The following TNC variants were observed in gnomAD, a reference collection of about 807,000 sequenced individuals.
TNC encodes the protein tenascin.
In TNC, 109 loss-of-function variants were observed where a neutral mutation model predicts 202.4. That is an observed-to-expected ratio of 0.54 (90% confidence interval 0.46 to 0.63). The LOEUF (loss-of-function observed/expected upper bound fraction) is 0.63, where lower values mean the gene tolerates loss of function less well. Among genes scored for constraint, TNC ranks in the 30% least tolerant of loss-of-function variants. The pLI is 0.00. For missense variants in TNC, 2,756 were observed against 2,833.3 expected, an observed-to-expected ratio of 0.97 and a Z score of 0.62; for synonymous variants, 1,007 against 1,089.7, an observed-to-expected ratio of 0.92 and a Z score of 1.50.
chr9:115,058,936 G>C (rs1832336491), intron 14 of TNC, among the ~76,000 whole-genome samples: 1 of 152,116 alleles, frequency 6.6e-6, no homozygotes, highest in South Asian at 2.1e-4. Context: ...CCTGGGTCTG[G>C]GGCTGGGAGT....
intron 1 of TNC, among the ~76,000 whole-genome samples, chr9:115,092,480 G>A (rs1373879329): frequency 6.6e-6 from 1 of 152,214 alleles, no homozygotes; most frequent in Non-Finnish European, 1.5e-5. Context: ...AGGCATGTGA[G>A]AATGATCTAT....
chr9:115,032,582 C>T (rs148851030), intron 22 of TNC, among the ~76,000 whole-genome samples: 1 of 152,336 alleles, frequency 6.6e-6, no homozygotes, highest in Admixed American at 6.5e-5. Flanking sequence ...TCATCTCAGA[C>T]TGATGGAATC....
chr9:115,084,529 T>C (rs554268626), intron 3 of TNC, 57 bp from the exon 4 acceptor site: 1 of 1,574,180 alleles, frequency 6.4e-7, no homozygotes, highest in East Asian at 2.2e-5. Context: ...AAAATCTCTC[T>C]AGGTTTGTTT....
At chr9:115,094,161 AGCTCGTAGTAG>A (rs1835438275) in intron 1 of TNC, among the ~76,000 whole-genome samples, 1 of 152,206 alleles carries the variant, frequency 6.6e-6, no homozygotes, top group South Asian at 2.1e-4. Flanking sequence ...CATGGTGTCA[AGCTCGTAGTAG>A]GCACTCATTA....
Position 115,019,825 on chromosome 9 carries a change from G to C in TNC, c.*1332C>G, listed in dbSNP as rs1044626198. Reference sequence around the variant, plus strand: ...AGGAAACTGAGGCATAGAGAGGTTAGGGAACTTGGGAATGGTGGAGCCAAG... The same window carrying C: ...AGGAAACTGAGGCATAGAGAGGTTACGGAACTTGGGAATGGTGGAGCCAAG... On this transcript the variant is annotated 3_prime_UTR_variant, in exon 28 of 28. Coordinates refer to ENST00000350763, the MANE Select transcript of TNC (RefSeq NM_002160.4). The C allele has an allele frequency of 1.3e-5, 2 of 152,226 alleles. No homozygotes were observed. Among genetic ancestry groups the C allele is most frequent in the African/African-American group, 4.8e-5 (2 of 41,456 alleles). The allele number at this position is 152,226 out of a possible 1,614,324, so 9.4% of individuals were successfully genotyped here. A position where few individuals can be genotyped will look rare whatever the true frequency, so the allele number is the denominator to read the frequency against.
At chr9:115,082,282 C>T (rs1834362961) in intron 5 of TNC, among the ~76,000 whole-genome samples, 3 of 152,194 alleles carry the variant, frequency 2.0e-5, no homozygotes, top group South Asian at 2.1e-4. Flanking sequence ...TGGTTGGTGG[C>T]AGAGCCTGGG....
rs552252322 is a variant in TNC at position 115,083,433 on chromosome 9, G to T, written c.2132-626C>A. ...CACTGAAAAGTAATAGAGTGGTTTA[G>T]AACATAAACCTGCCAGGACTGCCAG... On this transcript the variant is annotated intron_variant, in intron 4 of 27. Coordinates refer to ENST00000350763, the MANE Select transcript of TNC (RefSeq NM_002160.4). Among the ~76,000 whole-genome samples the T allele has an allele frequency of 2.6e-5, 4 of 152,174 alleles. No homozygotes were observed. In the East Asian group the frequency reaches 7.7e-4, roughly 29 times the overall value.
At chr9:115,029,482 T>A in intron 24 of TNC, 26 bp from the exon 25 acceptor site, 1 of 1,608,996 alleles carries the variant, frequency 6.2e-7, no homozygotes, top group Non-Finnish European at 8.5e-7. Context: ...TGAATCTGGG[T>A]GTACTTAAGC....
intron 11 of TNC, 132 bp from the exon 12 acceptor site, chr9:115,064,200 G>T: frequency 1.1e-6 from 1 of 899,128 alleles, no homozygotes; most frequent in East Asian, 2.6e-5. Flanking sequence ...CATGCATCAT[G>T]CAACTCTTTA....
At chr9:115,109,009 T>C (rs1005219485) in intron 1 of TNC, among the ~76,000 whole-genome samples, 2 of 152,238 alleles carry the variant, frequency 1.3e-5, no homozygotes, top group Non-Finnish European at 2.9e-5. Context: ...CTTGACTGTA[T>C]TGCTTTCTAT....
At chr9:115,112,272 T>C (rs1335887651) in intron 1 of TNC, among the ~76,000 whole-genome samples, 1 of 152,174 alleles carries the variant, frequency 6.6e-6, no homozygotes, top group Admixed American at 6.5e-5. Context: ...ATCTTTCCCT[T>C]CTCTATGTCT....
intron 27 of TNC, among the ~76,000 whole-genome samples, chr9:115,023,288 T>C (rs1484937734): frequency 6.6e-6 from 1 of 152,116 alleles, no homozygotes; most frequent in Non-Finnish European, 1.5e-5. Flanking sequence ...TGGTTATGAT[T>C]AAGTGGCTAG....
At chr9:115,087,335 C>T (rs1834847181) in intron 2 of TNC, 62 bp from the exon 3 acceptor site, 2 of 1,521,424 alleles carry the variant, frequency 1.3e-6, no homozygotes, top group African/African-American at 2.8e-5. Context: ...TCTGTATCTA[C>T]CCAGGGCACC....
At chr9:115,035,391 T>C in intron 21 of TNC, 57 bp from the exon 22 acceptor site, 1 of 1,556,694 alleles carries the variant, frequency 6.4e-7, no homozygotes, top group Non-Finnish European at 8.7e-7. Context: ...GGGCAGAAAT[T>C]CGGGCTGGGT....
intron 1 of TNC, among the ~76,000 whole-genome samples, chr9:115,108,414 C>T (rs1215839083): frequency 6.6e-6 from 1 of 152,172 alleles, no homozygotes; most frequent in Admixed American, 6.5e-5. Context: ...GGCTTCTAAC[C>T]ACACTCAGAA....
chr9:115,061,008 T>C (rs931065839), intron 13 of TNC, among the ~76,000 whole-genome samples: 12 of 152,302 alleles, frequency 7.9e-5, no homozygotes, highest in Admixed American at 3.9e-4. Context: ...GTAGTTGTTA[T>C]TGGTGATTTA....
At chr9:115,031,471 A>T (rs1829941398) in intron 23 of TNC, 82 bp downstream of exon 23, 1 of 1,368,498 alleles carries the variant, frequency 7.3e-7, no homozygotes, top group Non-Finnish European at 9.5e-7. Flanking sequence ...GAAAATTTTA[A>T]AGTAGAAGTC....
Position 115,086,889 on chromosome 9 carries a change from T to C in TNC, c.842A>G (p.Lys281Arg), listed in dbSNP as rs376849284. The C allele has an allele frequency of 3.0e-5, 49 of 1,614,150 alleles. 1 individual carries two copies. In the South Asian group the frequency reaches 4.8e-4, roughly 16 times the overall value. Residue 281 changes from lysine (K) to arginine (R), a missense_variant, in exon 3 of 28, where the codon AAG (lysine) becomes AGG (arginine). This residue lies in a region of TNC where 2,559 missense variants were observed against 2,546.0 expected (regional missense o/e 1.01). Coordinates refer to ENST00000350763, the MANE Select transcript of TNC (RefSeq NM_002160.4). ...GTAGCAATTGTTGAGACACAGAGGC[T>C]TGTTGCAGTCATCGCCTGCAAAGCC... ...HDGFAGDDCN[K>R]PLCLNNCYNR...
At chr9:115,056,484 T>C (rs892296248) in intron 15 of TNC, among the ~76,000 whole-genome samples, 4 of 152,266 alleles carry the variant, frequency 2.6e-5, no homozygotes, top group African/African-American at 9.6e-5. Context: ...TTTTGTTTTT[T>C]AAACTAAGTC....
Sources: gnomAD v4.1 joint callset for allele counts (sites outside exome capture counted in the v4.1 genomes callset) on GRCh38, gnomAD v4.1.1 for gene constraint, gnomAD v4.1.1 regional missense constraint, MANE v1.5 for transcripts, NCBI Gene and HGNC (gene_info 2026-07-23, HGNC 2026-07-21) for gene names.